Variants in UNC79 observed in about 807,000 individuals in gnomAD.
UNC79 encodes unc-79 subunit of NALCN channel complex.
Under a neutral mutation model 283.1 loss-of-function variants are expected in UNC79, and 37 were observed. That is an observed-to-expected ratio of 0.13 (90% CI 0.10 to 0.17). UNC79 has a LOEUF of 0.17. Ranked by LOEUF, UNC79 falls within the 10% of genes least tolerant of loss-of-function variation. The pLI, the probability that UNC79 is intolerant of heterozygous loss-of-function variation, is 1.00. For missense variants in UNC79, 2,272 were observed against 3,211.1 expected, an observed-to-expected ratio of 0.71 and a Z score of 7.07; for synonymous variants, 1,107 against 1,200.2, an observed-to-expected ratio of 0.92 and a Z score of 1.61.
chr14:93,333,270 C>T (rs1243500892), exon 1 of UNC79: 1 of 318,122 alleles, frequency 3.1e-6, no homozygotes, highest in African/African-American at 2.3e-5. Flanking sequence ...GAGTTTGCCT[C>T]TTGTGGCAGC....
chr14:93,596,389 C>A (rs1479243634), intron 23 of UNC79, among the ~76,000 whole-genome samples: 2 of 152,168 alleles, frequency 1.3e-5, no homozygotes, highest in Non-Finnish European at 2.9e-5. Flanking sequence ...AATCCCAGCA[C>A]TTTGGGAGGC....
chr14:93,551,359 T>C (rs1260181246), intron 14 of UNC79, among the ~76,000 whole-genome samples: 1 of 152,232 alleles, frequency 6.6e-6, no homozygotes, highest in Non-Finnish European at 1.5e-5. Flanking sequence ...AGGATTTATT[T>C]TTTTAAGGCA....
chr14:93,638,249 A>G (rs1283628784), intron 32 of UNC79, among the ~76,000 whole-genome samples: 2 of 152,202 alleles, frequency 1.3e-5, no homozygotes, highest in African/African-American at 4.8e-5. Context: ...ATGAGGTGCT[A>G]TTGATCTCCA....
chr14:93,335,588 C>A (rs1272320288), intron 1 of UNC79, among the ~76,000 whole-genome samples: 1 of 152,162 alleles, frequency 6.6e-6, no homozygotes, highest in Non-Finnish European at 1.5e-5. Flanking sequence ...CAACCAGAAC[C>A]TTTTCTGGAA....
chr14:93,401,611 C>T (rs1438190638), intron 1 of UNC79, among the ~76,000 whole-genome samples: 1 of 152,194 alleles, frequency 6.6e-6, no homozygotes, highest in Non-Finnish European at 1.5e-5. Context: ...CCCACTCCAC[C>T]TCAAGAAAAG....
rs1347619245 is a variant in UNC79 at position 93,430,947 on chromosome 14, T to G, written c.-83T>G. 2 of 685,270 alleles carry G rather than the reference T, an allele frequency of 2.9e-6. No individual in the cohort carries two copies. Among genetic ancestry groups the G allele is most frequent in the African/African-American group, 1.8e-5 (1 of 56,324 alleles). The allele number at this position is 685,270 out of a possible 1,614,324, so 42.4% of individuals were successfully genotyped here. ...GGTGGGGGGTGGGGGGTATGCACTC[T>G]TTTCCTCGCAACATCGCTGGCGGAG... On this transcript the variant is annotated 5_prime_UTR_variant, in exon 1 of 49. Transcript: ENST00000555664. The surrounding 1 kb of genome is among the most constrained non-coding windows in gnomAD (Gnocchi z 4.6).
At chr14:93,337,562 C>A (rs2053605769) in intron 1 of UNC79, among the ~76,000 whole-genome samples, 1 of 152,254 alleles carries the variant, frequency 6.6e-6, no homozygotes. Flanking sequence ...TCTGCAGGTG[C>A]TGGGCTGCCA....
chr14:93,405,341 C>A (rs992627492), intron 1 of UNC79, among the ~76,000 whole-genome samples: 3 of 150,350 alleles, frequency 2.0e-5, no homozygotes, highest in Non-Finnish European at 4.4e-5. Context: ...AATAACATAA[C>A]CTTTAAATAT....
At chr14:93,632,576 A>T (rs1952228) in intron 31 of UNC79, among the ~76,000 whole-genome samples, 1 of 151,684 alleles carries the variant, frequency 6.6e-6, no homozygotes, top group Admixed American at 6.6e-5. Flanking sequence ...GGCGCGCACC[A>T]TAGTCCCAGC....
chr14:93,572,438 A>G (rs1228636862), intron 15 of UNC79, among the ~76,000 whole-genome samples: 1 of 152,238 alleles, frequency 6.6e-6, no homozygotes, highest in Non-Finnish European at 1.5e-5. Flanking sequence ...TAGAAATGCA[A>G]TTCCTTCTGT....
At chr14:93,486,651 T>C (rs1255468733) in intron 4 of UNC79, among the ~76,000 whole-genome samples, 3 of 107,552 alleles carry the variant, frequency 2.8e-5, no homozygotes, top group Admixed American at 9.8e-5. Flanking sequence ...TGAGACTCTG[T>C]CTAAGGAAAA....
chr14:93,539,562 A>C (rs1023187288), intron 12 of UNC79, among the ~76,000 whole-genome samples: 1 of 152,050 alleles, frequency 6.6e-6, no homozygotes, highest in Non-Finnish European at 1.5e-5. Context: ...TTAGAATCTA[A>C]GTGTTAAAGG....
chr14:93,656,794 T>A (rs1170525251), intron 38 of UNC79, among the ~76,000 whole-genome samples: 1 of 152,154 alleles, frequency 6.6e-6, no homozygotes, highest in East Asian at 1.9e-4. Context: ...GCCATATTTG[T>A]GCCACTGCAC....
At chr14:93,533,612 A>G (rs2060930291) in intron 11 of UNC79, among the ~76,000 whole-genome samples, 1 of 152,018 alleles carries the variant, frequency 6.6e-6, no homozygotes, top group African/African-American at 2.4e-5. Flanking sequence ...GCTAGGCTGG[A>G]CTTGTTCACA....
intron 1 of UNC79, among the ~76,000 whole-genome samples, chr14:93,417,809 T>C (rs995680541): frequency 6.7e-6 from 1 of 149,350 alleles, no homozygotes; most frequent in Non-Finnish European, 1.5e-5. Context: ...TCCAGTTGAT[T>C]GCATCGACTC....
intron 30 of UNC79, among the ~76,000 whole-genome samples, chr14:93,627,167 G>A (rs2067631788): frequency 6.6e-6 from 1 of 152,196 alleles, no homozygotes; most frequent in East Asian, 1.9e-4. Flanking sequence ...AGTCAGTCAT[G>A]AGGTCTGATG....
chr14:93,336,971 G>A (rs190250507), intron 1 of UNC79, among the ~76,000 whole-genome samples: 207 of 152,226 alleles, frequency 1.4e-3, no homozygotes, highest in Non-Finnish European at 2.6e-3. Flanking sequence ...GTGGTGGGAG[G>A]CAGACAGGTT....
At chr14:93,343,058 G>C (rs539434235) in intron 1 of UNC79, among the ~76,000 whole-genome samples, 56 of 152,146 alleles carry the variant, frequency 3.7e-4, no homozygotes, top group Admixed American at 1.1e-3. Flanking sequence ...ACATCTTCCT[G>C]TCTTCTTCTG....
chr14:93,681,578 A>T (rs1019257362), intron 41 of UNC79, among the ~76,000 whole-genome samples: 1 of 152,178 alleles, frequency 6.6e-6, no homozygotes, highest in South Asian at 2.1e-4. Context: ...TGACCCATTC[A>T]GCTTCCCTGT....
Sources: gnomAD v4.1 joint callset for allele counts (sites outside exome capture counted in the v4.1 genomes callset) on GRCh38, gnomAD v4.1.1 for gene constraint, Gnocchi (gnomAD v3.1) non-coding constraint, MANE v1.5 for transcripts, NCBI Gene and HGNC (gene_info 2026-07-23, HGNC 2026-07-21) for gene names.